GPC3: variants seen among roughly 807,000 people sequenced by gnomAD.
GPC3 encodes the protein glypican 3, also known as glypican-3.
Under a neutral mutation model 34.4 loss-of-function variants are expected in GPC3, and 3 were observed. The observed-to-expected ratio is 0.09, with a 90% CI of 0.04 to 0.23. The LOEUF is 0.23. Ranked by LOEUF, GPC3 falls within the 10% of genes least tolerant of loss-of-function variation. The probability of loss-of-function intolerance (pLI) is 1.00; values close to 1 mark genes in which losing one functional copy is unlikely to be tolerated. For missense variants in GPC3, 351 were observed against 445.6 expected (o/e 0.79, Z 1.91); for synonymous variants, 177 against 174.0 (o/e 1.02, Z -0.13).
chrX:133,739,168 C>A (rs2071540483), intron 3 of GPC3, among the ~76,000 whole-genome samples: 1 of 111,185 alleles, frequency 9.0e-6, no homozygotes, highest in Non-Finnish European at 1.9e-5. Flanking sequence ...GTCAGGCATC[C>A]ACTGGGTGTC....
intron 2 of GPC3, among the ~76,000 whole-genome samples, chrX:133,809,652 C>T: frequency 8.9e-6 from 1 of 111,861 alleles, no homozygotes; most frequent in East Asian, 2.8e-4. Context: ...GAATCAATGG[C>T]GGCATCCAGC....
intron 3 of GPC3, among the ~76,000 whole-genome samples, chrX:133,710,389 G>A (rs948731710): frequency 1.8e-5 from 2 of 111,971 alleles, no homozygotes; most frequent in African/African-American, 6.5e-5. Flanking sequence ...TAAAATGCCT[G>A]CTGGACCTGG....
chrX:133,985,103 TCTCCCTCC>T (rs1193520786), intron 1 of GPC3, among the ~76,000 whole-genome samples, 164 bp downstream of exon 1: 1 of 111,607 alleles, frequency 9.0e-6, no homozygotes, highest in Non-Finnish European at 1.9e-5. Context: ...ACACACCCTC[TCTCCCTCC>T]CTCAGTAGAC....
intron 2 of GPC3, among the ~76,000 whole-genome samples, chrX:133,773,708 C>A (rs1056685393): frequency 9.0e-6 from 1 of 111,544 alleles, no homozygotes; most frequent in Non-Finnish European, 1.9e-5. Flanking sequence ...ATGAGGTGGA[C>A]CCTTCATCTT....
intron 2 of GPC3, among the ~76,000 whole-genome samples, chrX:133,835,235 C>T (rs751983131): frequency 1.7e-4 from 19 of 111,945 alleles, no homozygotes; most frequent in Non-Finnish European, 2.6e-4. Context: ...TCAGTATCTG[C>T]GTTGGGAGCT....
chrX:133,680,385 C>G lies in GPC3; in HGVS notation c.1292+11984G>C, dbSNP rs899652836. ...TGATTAGAAGCAAAGAGAACAATGACAAAATGGGCCAACAAGTGGCTCAAA... is the reference window on the plus strand; with the variant it reads ...TGATTAGAAGCAAAGAGAACAATGAGAAAATGGGCCAACAAGTGGCTCAAA... On this transcript the variant is annotated intron_variant, in intron 5 of 7. Transcript: ENST00000370818. Among the ~76,000 whole-genome samples the G allele has an allele frequency of 1.4e-4, 16 of 111,775 alleles. No individual in the cohort carries two copies. The Admixed American group carries it at 1.5e-3, about 11-fold the overall frequency.
intron 3 of GPC3, among the ~76,000 whole-genome samples, chrX:133,742,096 T>C (rs2071568884): frequency 8.9e-6 from 1 of 112,534 alleles, no homozygotes; most frequent in Non-Finnish European, 1.9e-5. Context: ...AGAGAACTAG[T>C]AGAAGCAGAA....
chrX:133,909,451 C>G (rs1258582908), intron 2 of GPC3, among the ~76,000 whole-genome samples: 1 of 112,135 alleles, frequency 8.9e-6, no homozygotes, highest in Non-Finnish European at 1.9e-5. Context: ...CTGTCTGATA[C>G]TTTTTCCTCA....
At chrX:133,542,388 T>A (rs1237903990) in intron 7 of GPC3, among the ~76,000 whole-genome samples, 7 of 110,860 alleles carry the variant, frequency 6.3e-5, no homozygotes, top group South Asian at 3.9e-4. Flanking sequence ...AAGACAAGCC[T>A]TTGGGCCCTT....
At chrX:133,929,214 G>C (rs79560771) in intron 2 of GPC3, among the ~76,000 whole-genome samples, 2 of 111,898 alleles carry the variant, frequency 1.8e-5, no homozygotes, top group Non-Finnish European at 3.8e-5. Context: ...TTTCTCCATT[G>C]TGTCCTTTTT....
At chrX:133,650,451 A>G (rs180892975) in intron 6 of GPC3, among the ~76,000 whole-genome samples, 2,968 of 91,186 alleles carry the variant, frequency 0.033, 106 homozygotes, top group African/African-American at 0.11. Flanking sequence ...ACACCCACAC[A>G]CCCACCCACA....
intron 2 of GPC3, among the ~76,000 whole-genome samples, chrX:133,785,949 G>C (rs2072096564): frequency 8.9e-6 from 1 of 112,061 alleles, no homozygotes; most frequent in Non-Finnish European, 1.9e-5. Context: ...TTCATGCACA[G>C]TATAATATAA....
Position 133,709,357 on chromosome X carries a change from C to T in GPC3, c.1033-9329G>A, listed in dbSNP as rs185774765. On this transcript the variant is annotated intron_variant, in intron 3 of 7. Transcript: ENST00000370818. Reference sequence around the variant, plus strand: ...TTGGATGAGTATTACCTGTGGCATTCGCTTTGTGGTACCTTGGGGCTGAAG... The same window carrying T: ...TTGGATGAGTATTACCTGTGGCATTTGCTTTGTGGTACCTTGGGGCTGAAG... Among the ~76,000 whole-genome samples the T allele has an allele frequency of 9.0e-5, 10 of 111,046 alleles. No individual in the cohort carries two copies. In the East Asian group the frequency reaches 2.3e-3, roughly 25 times the overall value.
chrX:133,763,717 A>G, intron 2 of GPC3: 1 of 489,705 alleles, frequency 2.0e-6, no homozygotes, highest in East Asian at 3.6e-5. Flanking sequence ...GCAACATGGA[A>G]ATAAGGCTGA....
rs73559378 is a variant in GPC3 at position 133,699,627 on chromosome X, T to C, written c.1166+268A>G. On this transcript the variant is annotated intron_variant, in intron 4 of 7. Coordinates refer to ENST00000370818, the MANE Select transcript of GPC3 (RefSeq NM_004484.4). ...GATTGTAAGCAGAAACAATTTTGCTTAATCAATAAAAGATCTTGAATAGGG... is the reference window on the plus strand; with the variant it reads ...GATTGTAAGCAGAAACAATTTTGCTCAATCAATAAAAGATCTTGAATAGGG... 0.041 allele frequency among the ~76,000 whole-genome samples: 4,551 copies of C among 112,078 alleles called. 248 individuals are homozygous for C. The highest frequency in any genetic ancestry group is 0.14 in the African/African-American group (4,292 of 30,800).
At chrX:133,658,862 G>A (rs1273149161) in intron 6 of GPC3, among the ~76,000 whole-genome samples, 3 of 110,752 alleles carry the variant, frequency 2.7e-5, no homozygotes, top group African/African-American at 1.0e-4. Flanking sequence ...TTCAGCTTTT[G>A]TGGCTGAAAG....
intron 2 of GPC3, among the ~76,000 whole-genome samples, chrX:133,882,932 G>C (rs757044063): frequency 9.0e-6 from 1 of 110,810 alleles, no homozygotes; most frequent in Admixed American, 9.7e-5. Context: ...TCCCCAGATG[G>C]CCTAAGGTCA....
intron 6 of GPC3, among the ~76,000 whole-genome samples, chrX:133,632,502 A>T (rs1241321247): frequency 9.0e-6 from 1 of 111,698 alleles, no homozygotes; most frequent in African/African-American, 3.3e-5. Flanking sequence ...CTTATATATA[A>T]TTTCTAAATT....
chrX:133,884,216 G>A (rs999119383), intron 2 of GPC3, among the ~76,000 whole-genome samples: 4 of 111,508 alleles, frequency 3.6e-5, no homozygotes, highest in African/African-American at 6.5e-5. Context: ...ACTTAACTGC[G>A]TTTACCAATT....
Sources: gnomAD v4.1 joint callset for allele counts (sites outside exome capture counted in the v4.1 genomes callset) on GRCh38, gnomAD v4.1.1 for gene constraint, MANE v1.5 for transcripts, NCBI Gene and HGNC (gene_info 2026-07-23, HGNC 2026-07-21) for gene names.